TMEM278: variants seen among roughly 807,000 people sequenced by gnomAD.
TMEM278 encodes the protein transmembrane protein 88B.
chr1:1,426,341 C>T, the TMEM278 span: 2 of 1,445,500 alleles, frequency 1.4e-6, no homozygotes, highest in African/African-American at 3.0e-5. Context: ...GGTGCTCCTG[C>T]CCGCGGCCGC....
chr1:1,428,205 CAGGGCAGGGCAGAGCCCGGCAGGCAG>C, the TMEM278 span, among the ~76,000 whole-genome samples: 1 of 147,172 alleles, frequency 6.8e-6, no homozygotes, highest in African/African-American at 2.5e-5. Flanking sequence ...GAGGGAAGGG[CAGGGCAGGGCAGAGCCCGGCAGGCAG>C]CCCTCAGAGG....
At chr1:1,427,911 C>A in the TMEM278 span, 2 of 938,270 alleles carry the variant, frequency 2.1e-6, no homozygotes, top group East Asian at 4.1e-5. Context: ...GCAGCGCTCC[C>A]GGCTTACGAC....
chr1:1,426,365 G>T, the TMEM278 span: 1 of 1,430,506 alleles, frequency 7.0e-7, no homozygotes, highest in Non-Finnish European at 9.2e-7. Context: ...CGTCTACCTG[G>T]GATTCCTGTG....
the TMEM278 span, chr1:1,426,432 G>A: frequency 2.3e-6 from 3 of 1,321,922 alleles, no homozygotes; most frequent in South Asian, 1.9e-5. Flanking sequence ...GTCCTGGGGA[G>A]TGGGCGTGCC....
At chr1:1,427,928 C>A in the TMEM278 span, 1 of 721,344 alleles carries the variant, frequency 1.4e-6, no homozygotes, top group Non-Finnish European at 1.9e-6. Flanking sequence ...CGACCCCGGC[C>A]TCCCCCGCCC....
At chr1:1,428,729 G>A in the TMEM278 span, among the ~76,000 whole-genome samples, 6 of 152,152 alleles carry the variant, frequency 3.9e-5, no homozygotes, top group Middle Eastern at 3.4e-3. Context: ...GGCCAGGCAC[G>A]GTGGCTCACG....
chr1:1,428,456 C>A, the TMEM278 span, among the ~76,000 whole-genome samples: 1 of 152,118 alleles, frequency 6.6e-6, no homozygotes, highest in Non-Finnish European at 1.5e-5. Context: ...ACACTAAGAT[C>A]TCCTCACTGA....
the TMEM278 span, among the ~76,000 whole-genome samples, chr1:1,427,046 C>T: frequency 2.1e-5 from 3 of 145,162 alleles, no homozygotes; most frequent in African/African-American, 7.7e-5. Context: ...CTCTCCTTCG[C>T]CCAGGCCCTA....
chr1:1,428,180 G>T, the TMEM278 span, among the ~76,000 whole-genome samples: 1 of 139,362 alleles, frequency 7.2e-6, no homozygotes, highest in African/African-American at 2.9e-5. Context: ...GAGGAGAGGG[G>T]AGGGGAAGAG....
At chr1:1,427,546 G>T in the TMEM278 span, 1 of 807,550 alleles carries the variant, frequency 1.2e-6, no homozygotes, top group Non-Finnish European at 1.4e-6. Flanking sequence ...GGCCCGCCCG[G>T]CCCCCAGGTC....
chr1:1,426,071 G>T, the TMEM278 span: 1 of 1,312,490 alleles, frequency 7.6e-7, no homozygotes, highest in East Asian at 3.1e-5. Context: ...GGCAGCCCTG[G>T]AGAGCACCAC....
At chr1:1,427,662 T>A in the TMEM278 span, 1 of 1,339,698 alleles carries the variant, frequency 7.5e-7, no homozygotes, top group Non-Finnish European at 9.6e-7. Flanking sequence ...GGTGCTCGCC[T>A]CGGCCGTCCG....
At chr1:1,430,251 A>T in the TMEM278 span, among the ~76,000 whole-genome samples, 2 of 152,212 alleles carry the variant, frequency 1.3e-5, no homozygotes, top group Non-Finnish European at 2.9e-5. Context: ...GCTCATAGTA[A>T]TTCATCCAGA....
chr1:1,427,800 T>C, the TMEM278 span: 2,719 of 1,378,700 alleles, frequency 2.0e-3, 42 homozygotes, highest in African/African-American at 0.032. Flanking sequence ...CGGCGGCCGC[T>C]GCGAAACCCC....
At chr1:1,427,882 C>T in the TMEM278 span, 4 of 1,184,354 alleles carry the variant, frequency 3.4e-6, no homozygotes, top group Admixed American at 4.4e-5. Context: ...GCCCCCGCTG[C>T]CCCTTCCTGG....
the TMEM278 span, chr1:1,426,210 C>A: frequency 7.1e-7 from 1 of 1,413,654 alleles, no homozygotes; most frequent in Admixed American, 3.0e-5. Context: ...CCCCGGGGAC[C>A]TCCCGACCAC....
At chr1:1,427,567 CG>C in the TMEM278 span, 1 of 1,179,444 alleles carries the variant, frequency 8.5e-7, no homozygotes, top group Non-Finnish European at 1.0e-6. Context: ...CACCCCGCTC[CG>C]GGTCCCCGGT....
chr1:1,429,550 G>A, the TMEM278 span, among the ~76,000 whole-genome samples: 2 of 152,122 alleles, frequency 1.3e-5, no homozygotes, highest in Non-Finnish European at 2.9e-5. Flanking sequence ...ATCTGTGACT[G>A]GTGTTTCTGC....
the TMEM278 span, among the ~76,000 whole-genome samples, chr1:1,429,604 TTTAA>T: frequency 1.8e-4 from 27 of 152,358 alleles, no homozygotes; most frequent in African/African-American, 5.5e-4. Context: ...CGTTTGGTTG[TTTAA>T]TTGTCAGCTG....
Sources: allele counts gnomAD v4.1 joint callset (sites outside exome capture counted in the v4.1 genomes callset), GRCh38; gene constraint gnomAD v4.1.1; transcripts MANE v1.5; gene names NCBI Gene and HGNC (gene_info 2026-07-23, HGNC 2026-07-21).